Variants in GRIK4 observed in about 807,000 individuals in gnomAD.
GRIK4 encodes glutamate receptor ionotropic, kainate 4.
GRIK4 carries 40 observed loss-of-function variants against 104.9 expected under a neutral mutation model. The observed-to-expected ratio is 0.38, with a 90% confidence interval of 0.30 to 0.50. The LOEUF (loss-of-function observed/expected upper bound fraction) is 0.50, where lower values mean the gene tolerates loss of function less well. GRIK4 is among the 20% of genes least tolerant of loss of function. GRIK4 has a pLI of 0.93. For synonymous variants in GRIK4, 485 were observed against 524.9 expected, an observed-to-expected ratio of 0.92 and a Z score of 1.04; for missense variants, 1,047 against 1,308.1, an observed-to-expected ratio of 0.80 and a Z score of 3.08.
intron 2 of GRIK4, among the ~76,000 whole-genome samples, chr11:120,657,376 A>G (rs762596175): frequency 4.6e-5 from 7 of 152,234 alleles, no homozygotes; most frequent in Admixed American, 1.3e-4. Context: ...GAATTAAAGA[A>G]CAAAGATTCT....
chr11:120,874,289 A>G (rs1954707032), intron 10 of GRIK4, 71 bp downstream of exon 10: 3 of 1,267,152 alleles, frequency 2.4e-6, no homozygotes, highest in Non-Finnish European at 3.3e-6. Context: ...TCAAGGTACA[A>G]GAGTCCCTCA....
intron 3 of GRIK4, among the ~76,000 whole-genome samples, chr11:120,783,573 G>A (rs1051682838): frequency 6.6e-6 from 1 of 152,112 alleles, no homozygotes; most frequent in Non-Finnish European, 1.5e-5. Context: ...AATTTTTAGA[G>A]TGGGTAATTG....
At chr11:120,670,189 T>G (rs187819884) in intron 3 of GRIK4, among the ~76,000 whole-genome samples, 2 of 152,330 alleles carry the variant, frequency 1.3e-5, no homozygotes, top group African/African-American at 4.8e-5. Context: ...AGCAGGTGCT[T>G]CCCTTTTCCA....
chr11:120,591,286 C>T (rs1948729424), intron 1 of GRIK4, among the ~76,000 whole-genome samples: 1 of 151,898 alleles, frequency 6.6e-6, no homozygotes, highest in Non-Finnish European at 1.5e-5. Flanking sequence ...CACTAGGACT[C>T]ACCTGGGGCT....
At chr11:120,731,173 C>G (rs537737392) in intron 3 of GRIK4, among the ~76,000 whole-genome samples, 2 of 151,828 alleles carry the variant, frequency 1.3e-5, no homozygotes, top group African/African-American at 4.8e-5. Flanking sequence ...CAGTTTTTCT[C>G]CCTTCAGCAT....
intron 9 of GRIK4, among the ~76,000 whole-genome samples, chr11:120,866,199 G>A (rs1187190736): frequency 6.6e-6 from 1 of 152,194 alleles, no homozygotes; most frequent in Admixed American, 6.5e-5. Flanking sequence ...GAAGATCAAA[G>A]CCGCTGTTAT....
chr11:120,626,719 C>T (rs768057828), intron 1 of GRIK4, among the ~76,000 whole-genome samples: 1 of 152,196 alleles, frequency 6.6e-6, no homozygotes, highest in Non-Finnish European at 1.5e-5. Flanking sequence ...AAGGACTCCG[C>T]AGCTGCTGTG....
At chr11:120,556,864 C>G (rs774369753) in intron 1 of GRIK4, among the ~76,000 whole-genome samples, 2 of 152,188 alleles carry the variant, frequency 1.3e-5, no homozygotes, top group Non-Finnish European at 2.9e-5. Flanking sequence ...CAACTCTGCG[C>G]GGGGCCTCTC....
rs1438808066 is a variant in GRIK4 at position 120,659,636 on chromosome 11, G to T, written c.-50-633G>T. Among the ~76,000 whole-genome samples the T allele has an allele frequency of 2.0e-5, 3 of 152,210 alleles. No individual in the cohort carries two copies. In the East Asian group the frequency reaches 5.8e-4, roughly 29 times the overall value. ...CTCACACCTCTCCTCAGTGTGCAGT[G>T]CCTGTGCTGCGTTTGGGGAAATGGA... On this transcript the variant is annotated intron_variant, in intron 2 of 20. Transcript: ENST00000527524.
chr11:120,956,739 C>T lies in GRIK4; in HGVS notation c.1701-41C>T, dbSNP rs200855531. 1 of 1,440,994 alleles carries T rather than the reference C, an allele frequency of 6.9e-7. No individual in the cohort carries two copies. Among genetic ancestry groups the T allele is most frequent in the Non-Finnish European group, 9.3e-7 (1 of 1,075,178 alleles). The allele number at this position is 1,440,994 out of a possible 1,614,324, so 89.3% of individuals were successfully genotyped here. ...GAGCCTGCCTGTGTCCCTTCACACC[C>T]CGCCTCTGTGGCACTAGTGTATGTT... On this transcript the variant is annotated intron_variant, in intron 15 of 20. Transcript: ENST00000527524. This position sits in a 1 kb window ranked among gnomAD's most constrained non-coding sequence, Gnocchi z 4.6.
In GRIK4 at chr11:120,952,017, C is replaced by T. The variant is rs572533777; in HGVS notation, c.1591-838C>T. Reference sequence around the variant, plus strand: ...GGGTGGGAACTTGCCTGAGACCACACGGCTAAAGACTTGGAGCAGATGACT... The same window carrying T: ...GGGTGGGAACTTGCCTGAGACCACATGGCTAAAGACTTGGAGCAGATGACT... On this transcript the variant is annotated intron_variant, in intron 14 of 20. Transcript: ENST00000527524. The surrounding 1 kb of genome is among the most constrained non-coding windows in gnomAD (Gnocchi z 5.2). 1.3e-5 allele frequency among the ~76,000 whole-genome samples: 2 copies of T among 152,350 alleles called. No individual in the cohort carries two copies. Among genetic ancestry groups the T allele is most frequent in the South Asian group, 4.1e-4 (2 of 4,830 alleles).
intron 1 of GRIK4, among the ~76,000 whole-genome samples, chr11:120,521,587 C>T (rs562741606): frequency 6.6e-6 from 1 of 152,140 alleles, no homozygotes; most frequent in African/African-American, 2.4e-5. Flanking sequence ...GACTCCTGCC[C>T]CTTGCCCAGG....
At chr11:120,601,543 G>A (rs1948886740) in intron 1 of GRIK4, among the ~76,000 whole-genome samples, 1 of 151,902 alleles carries the variant, frequency 6.6e-6, no homozygotes, top group Non-Finnish European at 1.5e-5. Flanking sequence ...AAGGCGGGGT[G>A]TGGGGGGGCG....
intron 1 of GRIK4, among the ~76,000 whole-genome samples, chr11:120,556,253 C>G (rs1948184820): frequency 6.6e-6 from 1 of 152,062 alleles, no homozygotes; most frequent in Non-Finnish European, 1.5e-5. Context: ...CTTTCTTTGT[C>G]TCATACCCCA....
chr11:120,968,179 G>C (rs1476678520), intron 19 of GRIK4, among the ~76,000 whole-genome samples: 1 of 152,196 alleles, frequency 6.6e-6, no homozygotes, highest in Non-Finnish European at 1.5e-5. Flanking sequence ...GTATGGCTAA[G>C]AAGTGTTGAC....
intron 19 of GRIK4, among the ~76,000 whole-genome samples, chr11:120,981,765 T>C (rs982548786): frequency 6.6e-6 from 1 of 152,234 alleles, no homozygotes; most frequent in Admixed American, 6.5e-5. Context: ...TTTGGTGTCA[T>C]GTCTCTCTCT....
intron 1 of GRIK4, among the ~76,000 whole-genome samples, chr11:120,557,990 C>T (rs1226328830): frequency 1.4e-5 from 2 of 143,942 alleles, no homozygotes; most frequent in Non-Finnish European, 1.5e-5. Flanking sequence ...TGCAGTCCAG[C>T]CTGGGCGACA....
intron 3 of GRIK4, among the ~76,000 whole-genome samples, chr11:120,727,021 G>A (rs1951039127): frequency 6.6e-6 from 1 of 152,154 alleles, no homozygotes; most frequent in Non-Finnish European, 1.5e-5. Flanking sequence ...AAAATGAAAA[G>A]CAGAAAGAAG....
chr11:120,722,088 G>T (rs775852640), intron 3 of GRIK4, among the ~76,000 whole-genome samples: 8 of 152,118 alleles, frequency 5.3e-5, no homozygotes, highest in Non-Finnish European at 1.2e-4. Context: ...AGTGTAGCAG[G>T]CAAGCTCCCA....
Sources: allele counts gnomAD v4.1 joint callset (sites outside exome capture counted in the v4.1 genomes callset), GRCh38; gene constraint gnomAD v4.1.1; non-coding constraint Gnocchi (gnomAD v3.1); transcripts MANE v1.5; gene names NCBI Gene and HGNC (gene_info 2026-07-23, HGNC 2026-07-21).